The following TMEM52B variants were observed in gnomAD, a reference collection of about 807,000 sequenced individuals.
The protein encoded by TMEM52B is transmembrane protein 52B, also known as chromosome 12 open reading frame 59.
Under a neutral mutation model 16.1 loss-of-function variants are expected in TMEM52B, and 11 were observed. The observed-to-expected ratio is 0.68, with a 90% confidence interval of 0.43 to 1.13. The LOEUF (loss-of-function observed/expected upper bound fraction) is 1.13, where lower values mean the gene tolerates loss of function less well. TMEM52B is among the 50% of genes most tolerant of loss of function. The pLI, the probability that TMEM52B is intolerant of heterozygous loss-of-function variation, is 0.00. For missense variants in TMEM52B, 243 were observed against 230.4 expected, an observed-to-expected ratio of 1.05 and a Z score of -0.35; for synonymous variants, 101 against 93.8, an observed-to-expected ratio of 1.08 and a Z score of -0.45.
chr12:10,186,352 C>G (rs1948878625), intron 3 of TMEM52B, 68 bp from the exon 4 acceptor site: 1 of 1,299,868 alleles, frequency 7.7e-7, no homozygotes, highest in Admixed American at 2.4e-5. Context: ...ACATTAAAGA[C>G]TGGTTACAGC....
Position 10,179,591 on chromosome 12 carries a change from A to G in TMEM52B, c.17A>G (p.His6Arg). The G allele has an allele frequency of 6.2e-7, 1 of 1,614,234 alleles. No individual in the cohort carries two copies. The highest frequency in any genetic ancestry group is 1.6e-4 in the Middle Eastern group (1 of 6,062). The stretch of plus-strand genomic sequence containing the variant: ...TTCAGCCCGATGGGAGTCCGAGTTC[A>G]TGTCGTGGCGGCCTCAGCCCTGCTG... MGVRV[H>R]VVAASALLYF... is the part of the protein sequence containing the mutation. The change falls in exon 1 of 5, where the codon CAT becomes CGT. Residue 6 changes from histidine (H) to arginine (R), a missense_variant. His to Arg is a conservative substitution (Grantham distance 29). Coordinates refer to ENST00000543484, the MANE Select transcript of TMEM52B (RefSeq NM_001384896.1).
chr12:10,175,731 C>T (rs1432617891), upstream of TMEM52B, among the ~76,000 whole-genome samples: 3 of 152,344 alleles, frequency 2.0e-5, no homozygotes, highest in South Asian at 4.1e-4. Context: ...AAAGATGAAA[C>T]TTCTTCTGCT....
At chr12:10,187,780 G>A (rs1948898037) in intron 4 of TMEM52B, among the ~76,000 whole-genome samples, 1 of 152,062 alleles carries the variant, frequency 6.6e-6, no homozygotes, top group Non-Finnish European at 1.5e-5. Flanking sequence ...AACACCAGCT[G>A]GCAAAATGTG....
chr12:10,182,657 G>C, intron 2 of TMEM52B, 64 bp downstream of exon 2: 1 of 1,466,842 alleles, frequency 6.8e-7, no homozygotes. Flanking sequence ...CCCCAAAAGA[G>C]AGTCAAGATG....
At chr12:10,188,523 AG>A (rs1184259446) in intron 4 of TMEM52B, among the ~76,000 whole-genome samples, 1 of 97,600 alleles carries the variant, frequency 1.0e-5, no homozygotes, top group Non-Finnish European at 2.2e-5. Context: ...GAAGGAAGGA[AG>A]GAAGGAAGGA....
chr12:10,181,333 G>A (rs1948819844), intron 1 of TMEM52B, among the ~76,000 whole-genome samples: 2 of 97,808 alleles, frequency 2.0e-5, no homozygotes, highest in Admixed American at 2.0e-4. Context: ...TGTACATTTG[G>A]TCACTTTTTT....
chr12:10,191,346 G>T lies in TMEM52B; in HGVS notation c.*1206G>T, dbSNP rs887434014. Reference sequence around the variant, plus strand: ...AGCAATTCTTCTGCCTCAGCTTCCCGACTAGCTGGGATTACAGCTGCCTGC... The same window carrying T: ...AGCAATTCTTCTGCCTCAGCTTCCCTACTAGCTGGGATTACAGCTGCCTGC... On this transcript the variant is annotated 3_prime_UTR_variant, in exon 5 of 5. Coordinates refer to ENST00000543484, the MANE Select transcript of TMEM52B (RefSeq NM_001384896.1). 1 of 151,634 alleles carries T rather than the reference G, an allele frequency of 6.6e-6. No homozygotes were observed. The highest frequency in any genetic ancestry group is 1.5e-5 in the Non-Finnish European group (1 of 68,004). The allele number at this position is 151,634 out of a possible 1,614,324, so 9.4% of individuals were successfully genotyped here.
chr12:10,188,416 G>A (rs556881517), intron 4 of TMEM52B, among the ~76,000 whole-genome samples: 4 of 151,198 alleles, frequency 2.6e-5, no homozygotes, highest in Non-Finnish European at 4.4e-5. Context: ...CCGAGATGGC[G>A]CCACTTCACT....
At chr12:10,181,422 C>T (rs1472738716) in intron 1 of TMEM52B, among the ~76,000 whole-genome samples, 2 of 151,850 alleles carry the variant, frequency 1.3e-5, no homozygotes, top group East Asian at 2.0e-4. Flanking sequence ...CTCCACTGCC[C>T]GGGTTTAAGC....
At position 10,186,568 on chromosome 12, in the gene TMEM52B, A is replaced by T. The variant is rs537282237; in HGVS notation, c.286A>T (p.Thr96Ser). ...CGTCATTGCTTTCGATCACGACAGC[A>T]CTCTCCAGAGCACTATCACATGTGA... ...VTVIAFDHDS[T>S]LQSTITSLQS... The change falls in exon 4 of 5, where the codon ACT (threonine) becomes TCT (serine). Residue 96 changes from threonine to serine, a missense_variant. Physicochemically the swap from Thr to Ser is moderately conservative, Grantham distance 58. Coordinates refer to ENST00000543484, the MANE Select transcript of TMEM52B (RefSeq NM_001384896.1). 6.2e-7 allele frequency: 1 copy of T among 1,602,226 alleles called. No homozygotes were observed. Among genetic ancestry groups the T allele is most frequent in the Admixed American group, 1.7e-5 (1 of 59,602 alleles).
chr12:10,178,558 C>T (rs1398870131), upstream of TMEM52B, among the ~76,000 whole-genome samples: 1 of 150,148 alleles, frequency 6.7e-6, no homozygotes, highest in Non-Finnish European at 1.5e-5. Flanking sequence ...TATGCTTTTG[C>T]ATGTGTGCTT....
chr12:10,186,381 A>G (rs1452558803), intron 3 of TMEM52B, 39 bp from the exon 4 acceptor site: 1 of 1,538,362 alleles, frequency 6.5e-7, no homozygotes, highest in African/African-American at 1.4e-5. Flanking sequence ...GAAAAAAGCC[A>G]GATCCCAGAG....
chr12:10,185,794 G>T (rs1948872515), intron 3 of TMEM52B, among the ~76,000 whole-genome samples: 1 of 152,018 alleles, frequency 6.6e-6, no homozygotes, highest in Non-Finnish European at 1.5e-5. Flanking sequence ...TGTAATCCTA[G>T]CACTTTGGGA....
Position 10,179,339 on chromosome 12 carries a change from A to T in TMEM52B, c.-236A>T. The T allele has an allele frequency of 1.9e-6, 1 of 536,922 alleles. No individual in the cohort carries two copies. The highest frequency in any genetic ancestry group is 3.4e-6 in the Non-Finnish European group (1 of 298,266). The allele number at this position is 536,922 out of a possible 1,614,324, so 33.3% of individuals were successfully genotyped here. On this transcript the variant is annotated 5_prime_UTR_variant, in exon 1 of 5. Coordinates refer to ENST00000543484, the MANE Select transcript of TMEM52B (RefSeq NM_001384896.1). ...AGGAAGTAAATGTGGAGGCCATAGA[A>T]ATAGTAATAAGAATAAAGAAGAAAA...
At chr12:10,181,537 C>T (rs1948822508) in intron 1 of TMEM52B, among the ~76,000 whole-genome samples, 3 of 149,304 alleles carry the variant, frequency 2.0e-5, no homozygotes, top group East Asian at 2.1e-4. Flanking sequence ...ACCATGTTGG[C>T]CAGGCTGGTC....
chr12:10,179,997 A>G (rs1242066859), intron 1 of TMEM52B, among the ~76,000 whole-genome samples: 4 of 152,232 alleles, frequency 2.6e-5, no homozygotes, highest in Admixed American at 2.6e-4. Flanking sequence ...GGAATTTCCC[A>G]TCCAGGAATT....
At chr12:10,180,342 T>G (rs1240605286) in intron 1 of TMEM52B, among the ~76,000 whole-genome samples, 2 of 152,034 alleles carry the variant, frequency 1.3e-5, no homozygotes, top group East Asian at 3.9e-4. Flanking sequence ...TTCTTATATT[T>G]TCTTTTTGCT....
rs2137568431 is a variant in TMEM52B, at chr12:10,191,161, A to C, written c.*1021A>C. ...CACCTCCCAAAGTATTATTATTGGA[A>C]AATCGAGGAAGTGACGCACATTTAG... is the stretch of plus-strand genomic sequence containing the variant. On this transcript the variant is annotated 3_prime_UTR_variant, in exon 5 of 5. Transcript: ENST00000543484. The C allele has an allele frequency of 1.3e-5, 2 of 152,324 alleles. No individual in the cohort carries two copies. The highest frequency in any genetic ancestry group is 6.8e-3 in the Middle Eastern group (2 of 294). 9.4% of individuals were successfully genotyped at this position (152,324 alleles called of 1,614,324 possible).
intron 1 of TMEM52B, among the ~76,000 whole-genome samples, chr12:10,180,841 T>A (rs1175766903): frequency 1.3e-5 from 2 of 152,218 alleles, no homozygotes; most frequent in African/African-American, 4.8e-5. Flanking sequence ...GTTTTGCCCT[T>A]GTTACCCAGG....
Sources: gnomAD v4.1 joint callset for allele counts (sites outside exome capture counted in the v4.1 genomes callset) on GRCh38, gnomAD v4.1.1 for gene constraint, MANE v1.5 for transcripts, NCBI Gene and HGNC (gene_info 2026-07-23, HGNC 2026-07-21) for gene names.